PCDHGA3: variants seen among roughly 807,000 people sequenced by gnomAD.
The protein encoded by PCDHGA3 is protocadherin gamma subfamily A, 3.
Under a neutral mutation model 58.5 loss-of-function variants are expected in PCDHGA3, and 40 were observed. The ratio of observed to expected loss-of-function variants is 0.68; its 90% CI spans 0.53 to 0.89. PCDHGA3 has a LOEUF of 0.89. PCDHGA3 is among the 40% of genes least tolerant of loss of function. The pLI is 0.00. For synonymous variants in PCDHGA3, 530 were observed against 525.7 expected (o/e 1.01, Z -0.11); for missense variants, 1,223 against 1,195.9 (o/e 1.02, Z -0.33).
rs765536100 is a variant in PCDHGA3 at position 141,345,403 on chromosome 5, A to C, written c.1370A>C (p.Tyr457Ser). ...CCACCCACCTTCCCTCATTTATCCTACTCCGCCTACATTCCAGAAAACAAC... is the reference window on the plus strand; with the variant it reads ...CCACCCACCTTCCCTCATTTATCCTCCTCCGCCTACATTCCAGAAAACAAC... The part of the protein sequence containing the change: ...DNPPTFPHLS[Y>S]SAYIPENNPR... The change falls in exon 1 of 4, where the codon TAC becomes TCC. Residue 457 changes from tyrosine (Y) to serine (S), a missense_variant. This residue lies in a region of PCDHGA3 where 791 missense variants were observed against 708.5 expected (regional missense o/e 1.12). Coordinates refer to ENST00000253812, the MANE Select transcript of PCDHGA3 (RefSeq NM_018916.4). The C allele has an allele frequency of 8.1e-6, 13 of 1,613,628 alleles. No homozygotes were observed. Among genetic ancestry groups the C allele is most frequent in the East Asian group, 2.2e-5 (1 of 44,878 alleles).
intron 1 of PCDHGA3, among the ~76,000 whole-genome samples, chr5:141,347,013 C>T (rs1757842887): frequency 6.6e-6 from 1 of 150,588 alleles, no homozygotes; most frequent in Non-Finnish European, 1.5e-5. Context: ...TCCTTCCTTC[C>T]TCTCTCTTTC....
At chr5:141,388,893 G>A in intron 1 of PCDHGA3, 1 of 1,613,982 alleles carries the variant, frequency 6.2e-7, no homozygotes. Context: ...AGAAGTCATA[G>A]ATGAAAATGA....
rs1348297963 is a variant in PCDHGA3, at chr5:141,487,103, G to A, written c.2425-7704G>A. 6.2e-7 allele frequency: 1 copy of A among 1,614,124 alleles called. No individual in the cohort carries two copies. Among genetic ancestry groups the A allele is most frequent in the Non-Finnish European group, 8.5e-7 (1 of 1,180,000 alleles). On this transcript the variant is annotated intron_variant, in intron 1 of 3. Coordinates refer to ENST00000253812, the MANE Select transcript of PCDHGA3 (RefSeq NM_018916.4). The surrounding 1 kb of genome is among the most constrained non-coding windows in gnomAD (Gnocchi z 5.0). ...AGCTGACCTCCCACCACAGAAGCTG[G>A]TCATTGTGGTAAAGGATAGTGGTAG...
intron 1 of PCDHGA3, chr5:141,351,941 C>A: frequency 1.2e-6 from 2 of 1,613,206 alleles, no homozygotes; most frequent in East Asian, 2.2e-5. Flanking sequence ...GGTGCTGTAC[C>A]CCGCGCTGGG....
intron 1 of PCDHGA3, chr5:141,356,781 C>G: frequency 6.2e-7 from 1 of 1,613,996 alleles, no homozygotes; most frequent in Non-Finnish European, 8.5e-7. Context: ...AGTTTAGAGA[C>G]CTGCAGCTGC....
At chr5:141,434,691 A>G (rs1263712056) in intron 1 of PCDHGA3, among the ~76,000 whole-genome samples, 2 of 152,150 alleles carry the variant, frequency 1.3e-5, no homozygotes. Flanking sequence ...GCTTGCTGTT[A>G]ATAAATATGT....
intron 1 of PCDHGA3, chr5:141,399,398 G>A (rs1374441258): frequency 6.2e-7 from 1 of 1,613,972 alleles, no homozygotes; most frequent in Non-Finnish European, 8.5e-7. Flanking sequence ...ACAGACAGGG[G>A]CAAGCCGCCC....
chr5:141,440,818 C>T (rs906112291), intron 1 of PCDHGA3: 2 of 152,124 alleles, frequency 1.3e-5, no homozygotes, highest in Non-Finnish European at 2.9e-5. Flanking sequence ...TCACTCAACT[C>T]CTGATCCTAT....
intron 1 of PCDHGA3, chr5:141,366,064 G>T (rs761173450): frequency 5.5e-5 from 88 of 1,614,106 alleles, no homozygotes; most frequent in Middle Eastern, 1.6e-4. Context: ...TGGAGCTGGC[G>T]CCTCGCTCCG....
intron 1 of PCDHGA3, chr5:141,399,540 C>T (rs775910113): frequency 9.3e-6 from 15 of 1,614,052 alleles, no homozygotes; most frequent in Non-Finnish European, 1.3e-5. Context: ...CGCAAGTCTG[C>T]GCCTCGGACC....
chr5:141,425,478 G>A (rs2096877750), intron 1 of PCDHGA3, among the ~76,000 whole-genome samples: 1 of 152,148 alleles, frequency 6.6e-6, no homozygotes, highest in Admixed American at 6.5e-5. Flanking sequence ...AATTCCTATG[G>A]CAACCTACTA....
chr5:141,490,042 G>C lies in PCDHGA3; in HGVS notation c.2425-4765G>C. 1 of 1,614,266 alleles carries C rather than the reference G, an allele frequency of 6.2e-7. No individual in the cohort carries two copies. Among genetic ancestry groups the C allele is most frequent in the Non-Finnish European group, 8.5e-7 (1 of 1,180,038 alleles). The stretch of plus-strand genomic sequence containing the variant: ...TCTGCTGCTCCGCCTCAATGCCACT[G>C]ATCCAGACGAGGGCACCAACGGCCA... On this transcript the variant is annotated intron_variant, in intron 1 of 3. Coordinates refer to ENST00000253812, the MANE Select transcript of PCDHGA3 (RefSeq NM_018916.4). This position sits in a 1 kb window ranked among gnomAD's most constrained non-coding sequence, Gnocchi z 5.4.
intron 1 of PCDHGA3, chr5:141,385,087 G>C: frequency 6.2e-7 from 1 of 1,614,234 alleles, no homozygotes; most frequent in Non-Finnish European, 8.5e-7. Flanking sequence ...GGCTTCAGAA[G>C]GTGGCTTGGC....
intron 1 of PCDHGA3, chr5:141,352,807 T>C (rs1759114725): frequency 1.2e-6 from 1 of 866,934 alleles, no homozygotes; most frequent in Non-Finnish European, 1.7e-6. Context: ...ATAGCCAAGA[T>C]GGTAAAACCC....
intron 1 of PCDHGA3, among the ~76,000 whole-genome samples, chr5:141,425,305 AC>A (rs1239206853): frequency 1.3e-5 from 2 of 152,202 alleles, no homozygotes; most frequent in Non-Finnish European, 2.9e-5. Flanking sequence ...ATCTAAACTA[AC>A]TTCCCAAGAT....
At chr5:141,406,109 G>C (rs2094766123) in intron 1 of PCDHGA3, among the ~76,000 whole-genome samples, 1 of 144,746 alleles carries the variant, frequency 6.9e-6, no homozygotes, top group South Asian at 2.2e-4. Flanking sequence ...GTGTCATTCT[G>C]TTGTCCAGGG....
intron 1 of PCDHGA3, chr5:141,390,038 C>T: frequency 1.9e-6 from 3 of 1,614,060 alleles, no homozygotes; most frequent in Non-Finnish European, 2.5e-6. Flanking sequence ...GCTCCTCCAG[C>T]CCCGCCTCCT....
intron 1 of PCDHGA3, chr5:141,351,339 C>A: frequency 6.2e-7 from 1 of 1,613,532 alleles, no homozygotes. Flanking sequence ...GACCTTGGAA[C>A]TGTAATAGCC....
rs763074120 is a variant in PCDHGA3 at position 141,346,182 on chromosome 5, C to A, written c.2149C>A (p.Arg717=). The A allele has an allele frequency of 1.7e-5, 27 of 1,613,912 alleles. No homozygotes were observed. Among genetic ancestry groups the A allele is most frequent in the South Asian group, 2.2e-5 (2 of 91,078 alleles). The change falls in exon 1 of 4, where the codon CGG becomes AGG. Residue 717 remains arginine (R), a synonymous_variant. Transcript: ENST00000253812. ...CATCGTGCTGCTGGCGCTCAGGCTG[C>A]GGCGCTGGCACAAGTCACGCCTGCT... The part of the protein sequence containing the change: ...FVIVLLALRL[R]RWHKSRLLQA...
Sources: allele counts gnomAD v4.1 joint callset (sites outside exome capture counted in the v4.1 genomes callset), GRCh38; gene constraint gnomAD v4.1.1; regional missense constraint gnomAD v4.1.1; non-coding constraint Gnocchi (gnomAD v3.1); transcripts MANE v1.5; gene names NCBI Gene and HGNC (gene_info 2026-07-23, HGNC 2026-07-21).